The following RLIG1 variants were observed in gnomAD, a reference collection of about 807,000 sequenced individuals.
RLIG1 encodes RNA ligase 1.
At chr12:88,046,711 CTAAG>C in the RLIG1 span, 2 of 1,147,698 alleles carry the variant, frequency 1.7e-6, no homozygotes, top group Non-Finnish European at 1.2e-6. Flanking sequence ...ACCTTTATTC[CTAAG>C]TGTTTCAAAA....
At chr12:88,044,640 A>C in the RLIG1 span, 1 of 152,198 alleles carries the variant, frequency 6.6e-6, no homozygotes, top group Non-Finnish European at 1.5e-5. Context: ...TTCCTCATTC[A>C]GCTTGTGGTT....
the RLIG1 span, chr12:88,042,995 C>A: frequency 1.3e-6 from 1 of 779,494 alleles, no homozygotes; most frequent in Non-Finnish European, 1.9e-6. Context: ...TATTTCTATA[C>A]ATTATATCCT....
chr12:88,037,409 G>A, the RLIG1 span, among the ~76,000 whole-genome samples: 1 of 152,086 alleles, frequency 6.6e-6, no homozygotes. Context: ...TCAGTGTCTC[G>A]TGTTGTCCTT....
At chr12:88,036,833 T>C in the RLIG1 span, among the ~76,000 whole-genome samples, 2 of 152,130 alleles carry the variant, frequency 1.3e-5, no homozygotes, top group African/African-American at 4.8e-5. Flanking sequence ...GTAGCAGTAA[T>C]TGGCTTTTTT....
At chr12:88,049,368 G>T in the RLIG1 span, 1 of 1,561,152 alleles carries the variant, frequency 6.4e-7, no homozygotes, top group African/African-American at 1.4e-5. Context: ...TTCAAAAAAT[G>T]AAGGATCAAA....
the RLIG1 span, chr12:88,035,604 C>T: frequency 6.4e-7 from 1 of 1,555,762 alleles, no homozygotes; most frequent in Non-Finnish European, 8.7e-7. Context: ...GACCGGGCGC[C>T]GCTCGAAAGC....
At chr12:88,035,930 C>G in the RLIG1 span, 2 of 1,517,634 alleles carry the variant, frequency 1.3e-6, no homozygotes, top group African/African-American at 2.8e-5. Context: ...TTGTACTTTT[C>G]TTAGTTGTGA....
the RLIG1 span, among the ~76,000 whole-genome samples, chr12:88,041,000 A>G: frequency 1.3e-5 from 2 of 152,158 alleles, no homozygotes; most frequent in African/African-American, 4.8e-5. Flanking sequence ...TATGCAGTTC[A>G]GTGGCATTAA....
chr12:88,049,336 T>G, the RLIG1 span: 4 of 1,587,402 alleles, frequency 2.5e-6, no homozygotes, highest in Non-Finnish European at 3.4e-6. Flanking sequence ...TCCTTGTAAT[T>G]ATACTTAAGA....
chr12:88,048,226 C>T, the RLIG1 span: 2 of 1,517,146 alleles, frequency 1.3e-6, no homozygotes, highest in Admixed American at 2.2e-5. Flanking sequence ...CCTTTTTTCT[C>T]TTTCCAGGTC....
At chr12:88,048,474 A>G in the RLIG1 span, 3 of 895,294 alleles carry the variant, frequency 3.4e-6, no homozygotes, top group Non-Finnish European at 4.7e-6. Flanking sequence ...ATATTCTACC[A>G]TATTTAAAAA....
chr12:88,040,137 CTT>C, the RLIG1 span: 3 of 1,527,220 alleles, frequency 2.0e-6, no homozygotes, highest in African/African-American at 1.4e-5. Context: ...TTCTCTCTCT[CTT>C]TTTTTAAGCC....
chr12:88,035,704 T>A, the RLIG1 span: 1 of 1,606,762 alleles, frequency 6.2e-7, no homozygotes, highest in Non-Finnish European at 8.5e-7. Flanking sequence ...GTGACGGAGG[T>A]GAAAGAGGAG....
chr12:88,035,821 G>A, the RLIG1 span: 1 of 1,544,090 alleles, frequency 6.5e-7, no homozygotes, highest in Non-Finnish European at 8.7e-7. Context: ...CGGCGAGGGC[G>A]GCTGGGCGCT....
chr12:88,048,530 C>A, the RLIG1 span: 2 of 688,912 alleles, frequency 2.9e-6, no homozygotes, highest in South Asian at 3.4e-5. Context: ...ATGTTTTCTA[C>A]CATTTGTGAA....
At chr12:88,035,889 G>A in the RLIG1 span, 2 of 1,506,068 alleles carry the variant, frequency 1.3e-6, no homozygotes, top group East Asian at 2.5e-5. Flanking sequence ...GGTCTGGGGT[G>A]GGAGTTCCGT....
the RLIG1 span, chr12:88,047,028 T>C: frequency 6.1e-6 from 9 of 1,483,276 alleles, no homozygotes; most frequent in Non-Finnish European, 7.3e-6. Flanking sequence ...ATTCCTACAA[T>C]AGAGTAGAAG....
At chr12:88,046,785 A>C in the RLIG1 span, 1 of 1,584,452 alleles carries the variant, frequency 6.3e-7, no homozygotes, top group Non-Finnish European at 8.6e-7. Context: ...GAATATGGCT[A>C]ATGGCAAATT....
chr12:88,048,976 T>TTGA, the RLIG1 span: 4 of 355,780 alleles, frequency 1.1e-5, no homozygotes, highest in Admixed American at 1.4e-4. Flanking sequence ...CACTGCCTAT[T>TTGA]TGATGGCTGT....
Sources: gnomAD v4.1 joint callset for allele counts (sites outside exome capture counted in the v4.1 genomes callset) on GRCh38, gnomAD v4.1.1 for gene constraint, MANE v1.5 for transcripts, NCBI Gene and HGNC (gene_info 2026-07-23, HGNC 2026-07-21) for gene names.